Variants in TCEA1 observed in about 807,000 individuals in gnomAD.
The protein encoded by TCEA1 is transcription elongation factor A1.
In TCEA1, 21 loss-of-function variants were observed where a neutral mutation model predicts 43.8. The ratio of observed to expected loss-of-function variants is 0.48; its 90% CI spans 0.34 to 0.69. TCEA1 has a LOEUF of 0.69. Ranked by LOEUF, TCEA1 falls within the 30% of genes least tolerant of loss-of-function variation. TCEA1 has a pLI of 0.01. For synonymous variants in TCEA1, 104 were observed against 117.5 expected, an observed-to-expected ratio of 0.88 and a Z score of 0.75; for missense variants, 250 against 365.1, an observed-to-expected ratio of 0.68 and a Z score of 2.57.
chr8:53,984,475 T>C lies in TCEA1; in HGVS notation c.566A>G (p.Asn189Ser). The C allele has an allele frequency of 6.3e-7, 1 of 1,599,382 alleles. No individual in the cohort carries two copies. The highest frequency in any genetic ancestry group is 8.5e-7 in the Non-Finnish European group (1 of 1,173,578). Reference protein sequence around the residue: ...EIRNTDMKYKNRVRSRISNLK... With the variant: ...EIRNTDMKYKSRVRSRISNLK... ...ATTTGATATCCTACTTCGTACTCTA[T>C]TTTTGTATTTCATGTCTGTATTCCT... The change falls in exon 7 of 10, where the codon AAT becomes AGT. Residue 189 changes from asparagine (N) to serine (S), a missense_variant. Physicochemically the swap from Asn to Ser is conservative, Grantham distance 46. Around this residue, in one of 4 missense-constraint regions of TCEA1, gnomAD observed 147 missense variants for 160.3 expected, o/e 0.92. Transcript: ENST00000521604.
chr8:53,988,317 ATAC>A (rs938287862), intron 4 of TCEA1, 58 bp from the exon 5 acceptor site: 75 of 1,571,060 alleles, frequency 4.8e-5, no homozygotes, highest in Non-Finnish European at 5.9e-5. Context: ...CAAAGTAACA[ATAC>A]TACTATCATG....
chr8:53,991,047 T>C (rs1396951625), intron 4 of TCEA1, among the ~76,000 whole-genome samples: 1 of 152,154 alleles, frequency 6.6e-6, no homozygotes, highest in Non-Finnish European at 1.5e-5. Flanking sequence ...TACAGTAATT[T>C]TCTTTTGCAG....
chr8:54,013,784 G>A (rs1487942681), intron 1 of TCEA1, among the ~76,000 whole-genome samples: 8 of 151,986 alleles, frequency 5.3e-5, no homozygotes, highest in Non-Finnish European at 1.2e-4. Context: ...CATTAATTCG[G>A]TGACAACAAA....
chr8:53,986,028 A>G (rs905812700), intron 6 of TCEA1, among the ~76,000 whole-genome samples: 1 of 152,222 alleles, frequency 6.6e-6, no homozygotes, highest in African/African-American at 2.4e-5. Flanking sequence ...AAACAATACA[A>G]TCAAGATAAA....
chr8:54,007,447 T>C (rs867775362), intron 2 of TCEA1, among the ~76,000 whole-genome samples: 64 of 152,180 alleles, frequency 4.2e-4, no homozygotes, highest in Middle Eastern at 3.4e-3. Context: ...TCCCAAGGTG[T>C]TGGGATTACA....
At position 53,976,056 on chromosome 8, in the gene TCEA1, T is replaced by C. The variant is rs185135286; in HGVS notation, c.825+2969A>G. On this transcript the variant is annotated intron_variant, in intron 8 of 9. Transcript: ENST00000521604. ...AAGGTCTCAAAAACAGAAAGGTTAT[T>C]TCTCTGAATGAAGATGACAAAGCAT... Among the ~76,000 whole-genome samples, 218 of 152,292 alleles carry C rather than the reference T, an allele frequency of 1.4e-3. 1 individual carries two copies. Among genetic ancestry groups the C allele is most frequent in the Non-Finnish European group, 2.5e-3 (172 of 68,022 alleles).
chr8:53,993,127 A>ATT (rs11306062), intron 4 of TCEA1, among the ~76,000 whole-genome samples: 38 of 84,164 alleles, frequency 4.5e-4, no homozygotes, highest in Admixed American at 1.3e-3. Context: ...TACATGGCTA[A>ATT]TTTTTTTTTT....
chr8:53,996,292 T>A (rs893076973), intron 3 of TCEA1, among the ~76,000 whole-genome samples: 1 of 152,206 alleles, frequency 6.6e-6, no homozygotes, highest in Non-Finnish European at 1.5e-5. Flanking sequence ...AAGGAGGTGC[T>A]CCAGCTCTGG....
rs567468732 is a variant in TCEA1 at position 53,972,893 on chromosome 8, T to C, written c.826-2430A>G. 4 of 691,340 alleles carry C rather than the reference T, an allele frequency of 5.8e-6. No individual in the cohort carries two copies. In the East Asian group the frequency reaches 1.1e-4, roughly 19 times the overall value. The allele number at this position is 691,340 out of a possible 1,614,324, so 42.8% of individuals were successfully genotyped here. A position where few individuals can be genotyped will look rare whatever the true frequency, so the allele number is the denominator to read the frequency against. Reference sequence around the variant, plus strand: ...TACCAGATGATACTACTTTTGATGATGAGCCGAAGGACGTAGCCTCAGAGG... The same window carrying C: ...TACCAGATGATACTACTTTTGATGACGAGCCGAAGGACGTAGCCTCAGAGG... On this transcript the variant is annotated intron_variant, in intron 8 of 9. Transcript: ENST00000521604.
intron 5 of TCEA1, 113 bp from the exon 6 acceptor site, chr8:53,987,138 A>C (rs1803713660): frequency 2.3e-6 from 2 of 884,108 alleles, no homozygotes; most frequent in Non-Finnish European, 3.6e-6. Flanking sequence ...CCTGACATAA[A>C]GAAACCGTTC....
chr8:54,018,543 A>G (rs1804915539), intron 1 of TCEA1, among the ~76,000 whole-genome samples: 1 of 150,982 alleles, frequency 6.6e-6, no homozygotes, highest in Non-Finnish European at 1.5e-5. Context: ...TCACACAGCT[A>G]AAGTTCAGAA....
At position 53,993,127 on chromosome 8, in the gene TCEA1, ATTTTT is replaced by A. The variant is rs11306062; in HGVS notation, c.320+536_320+540del. On this transcript the variant is annotated intron_variant, in intron 4 of 9. Transcript: ENST00000521604. ...GCCACCACACATGGCTACATGGCTA[ATTTTT>A]TTTTTTTTTTTTTTTTTTTTGGTAG... 4.8e-3 allele frequency among the ~76,000 whole-genome samples: 407 copies of A among 84,190 alleles called. 4 individuals carry two copies. The highest frequency in any genetic ancestry group is 0.019 in the African/African-American group (389 of 20,740). The allele number at this position is 84,190 out of a possible 152,430, so 55.2% of individuals were successfully genotyped here.
At chr8:53,986,913 T>C in intron 6 of TCEA1, 56 bp downstream of exon 6, 1 of 1,401,368 alleles carries the variant, frequency 7.1e-7, no homozygotes, top group Non-Finnish European at 9.7e-7. Context: ...TTTGCATATG[T>C]TCAATAAATA....
intron 2 of TCEA1, among the ~76,000 whole-genome samples, chr8:54,000,841 A>G (rs1586021922): frequency 6.6e-6 from 1 of 150,550 alleles, no homozygotes; most frequent in Non-Finnish European, 1.5e-5. Flanking sequence ...GCTCACTGCA[A>G]CCTCCACCTC....
chr8:54,020,906 G>A (rs1805001213), intron 1 of TCEA1, among the ~76,000 whole-genome samples: 1 of 152,196 alleles, frequency 6.6e-6, no homozygotes, highest in African/African-American at 2.4e-5. Flanking sequence ...TACCTGAGAG[G>A]CCAGGCGCAG....
At chr8:53,977,052 G>A (rs182512949) in intron 8 of TCEA1, among the ~76,000 whole-genome samples, 3 of 152,332 alleles carry the variant, frequency 2.0e-5, no homozygotes, top group Admixed American at 2.0e-4. Flanking sequence ...GGGCGTGGTG[G>A]CTCACGCCTG....
Position 53,967,079 on chromosome 8 carries a change from A to G in TCEA1, c.*1025T>C, listed in dbSNP as rs1803007391. ...TTCAGTTTGTTCAACAATCTCACTC[A>G]TGACAGAAAAAGTCAGCAAATAAGA... On this transcript the variant is annotated 3_prime_UTR_variant, in exon 10 of 10. Coordinates refer to ENST00000521604, the MANE Select transcript of TCEA1 (RefSeq NM_006756.4). 4 of 211,974 alleles carry G rather than the reference A, an allele frequency of 1.9e-5. No individual in the cohort carries two copies. The highest frequency in any genetic ancestry group is 5.9e-5 in the Admixed American group (1 of 17,070). 13.1% of individuals were successfully genotyped at this position (211,974 alleles called of 1,614,324 possible). A position where few individuals can be genotyped will look rare whatever the true frequency, so the allele number is the denominator to read the frequency against.
intron 4 of TCEA1, among the ~76,000 whole-genome samples, chr8:53,990,363 T>C (rs914358813): frequency 2.7e-5 from 4 of 150,308 alleles, no homozygotes; most frequent in East Asian, 1.9e-4. Flanking sequence ...TTCTTTTCTT[T>C]TTTTTTTTTT....
rs1485682593 is a variant in TCEA1 at position 54,007,205 on chromosome 8, T to C, written c.126+3225A>G. On this transcript the variant is annotated intron_variant, in intron 2 of 9. Transcript: ENST00000521604. The stretch of plus-strand genomic sequence containing the variant: ...CCTTCTAGCAGTCTGGTGAAGCTTA[T>C]GGAGCCCTTCTCAGAATCCGTTAAA... Among the ~76,000 whole-genome samples, 6 of 152,138 alleles carry C rather than the reference T, an allele frequency of 3.9e-5. No individual in the cohort carries two copies. In the South Asian group the frequency reaches 1.2e-3, roughly 32 times the overall value.
Sources: allele counts gnomAD v4.1 joint callset (sites outside exome capture counted in the v4.1 genomes callset), GRCh38; gene constraint gnomAD v4.1.1; regional missense constraint gnomAD v4.1.1; transcripts MANE v1.5; gene names NCBI Gene and HGNC (gene_info 2026-07-23, HGNC 2026-07-21).